ERC2: variants seen among roughly 807,000 people sequenced by gnomAD.
ERC2 encodes the protein ELKS/RAB6-interacting/CAST family member 2.
In ERC2, 42 loss-of-function variants were observed where a neutral mutation model predicts 114.8. That is an observed-to-expected ratio of 0.37 (90% CI 0.29 to 0.47). ERC2 has a LOEUF of 0.47. ERC2 is among the 20% of genes least tolerant of loss of function. The probability of loss-of-function intolerance (pLI) is 0.99; values close to 1 mark genes in which losing one functional copy is unlikely to be tolerated. For synonymous variants in ERC2, 454 were observed against 425.5 expected (o/e 1.07, Z -0.82); for missense variants, 939 against 1,150.7 (o/e 0.82, Z 2.66).
chr3:56,452,930 A>G (rs2062886105), intron 1 of ERC2, among the ~76,000 whole-genome samples: 1 of 152,226 alleles, frequency 6.6e-6, no homozygotes, highest in African/African-American at 2.4e-5. Context: ...CCACAGGCTC[A>G]TTGTGTTGTT....
chr3:56,041,746 G>A (rs996198731), intron 7 of ERC2, among the ~76,000 whole-genome samples: 38 of 152,160 alleles, frequency 2.5e-4, no homozygotes, highest in African/African-American at 8.9e-4. Context: ...TCACCATGAT[G>A]CCGTTCTTCA....
chr3:55,888,919 A>G (rs1303324526), intron 13 of ERC2, among the ~76,000 whole-genome samples: 2 of 152,216 alleles, frequency 1.3e-5, no homozygotes, highest in Non-Finnish European at 2.9e-5. Flanking sequence ...GAAAGAAAAA[A>G]TTAAAACAAA....
intron 16 of ERC2, among the ~76,000 whole-genome samples, chr3:55,687,865 T>A (rs192395254): frequency 6.2e-4 from 94 of 152,270 alleles, no homozygotes; most frequent in Non-Finnish European, 1.2e-3. Flanking sequence ...AACAGACACA[T>A]CTGTAAAGGA....
In ERC2 at chr3:56,330,383, A is replaced by C. The variant is rs556493696; in HGVS notation, c.658-33948T>G. On this transcript the variant is annotated intron_variant, in intron 2 of 17. Coordinates refer to ENST00000288221, the MANE Select transcript of ERC2 (RefSeq NM_015576.3). Reference sequence around the variant, plus strand: ...CTCATTTCATGCCAACGTGTGGGAAAAGCAGAGAAGACAGTGGCCTATTTT... The same window carrying C: ...CTCATTTCATGCCAACGTGTGGGAACAGCAGAGAAGACAGTGGCCTATTTT... 2.6e-5 allele frequency among the ~76,000 whole-genome samples: 4 copies of C among 152,294 alleles called. No homozygotes were observed. In the East Asian group the frequency reaches 7.7e-4, roughly 29 times the overall value.
chr3:56,419,225 C>T (rs1015112878), intron 2 of ERC2, among the ~76,000 whole-genome samples: 6 of 50,370 alleles, frequency 1.2e-4, no homozygotes, highest in South Asian at 1.8e-3. Context: ...CAAAATCATT[C>T]GTTCCTTGCT....
chr3:56,032,913 A>AGAGAGAGAGAGAGAC (rs1560056241), intron 7 of ERC2, among the ~76,000 whole-genome samples: 3 of 68,638 alleles, frequency 4.4e-5, no homozygotes, highest in East Asian at 3.7e-4. Context: ...GAAAGAAAGA[A>AGAGAGAGAGAGAGAC]AGAAAGAAAG....
At chr3:56,226,291 A>T (rs1423514186) in intron 3 of ERC2, among the ~76,000 whole-genome samples, 2 of 152,186 alleles carry the variant, frequency 1.3e-5, no homozygotes, top group African/African-American at 4.8e-5. Context: ...CTCTGCAAGG[A>T]ACCGAGTTTT....
At chr3:55,635,410 T>A (rs34151612) in intron 17 of ERC2, among the ~76,000 whole-genome samples, 1 of 151,684 alleles carries the variant, frequency 6.6e-6, no homozygotes, top group Non-Finnish European at 1.5e-5. Flanking sequence ...TTTTTTTTTG[T>A]CTCTTTGTCT....
chr3:55,739,387 G>A (rs1559577499), intron 14 of ERC2, among the ~76,000 whole-genome samples: 1 of 152,160 alleles, frequency 6.6e-6, no homozygotes, highest in African/African-American at 2.4e-5. Flanking sequence ...CAGTGCAAAA[G>A]CCTTCCTATT....
At chr3:55,975,762 C>T (rs1194020701) in intron 12 of ERC2, among the ~76,000 whole-genome samples, 2 of 152,164 alleles carry the variant, frequency 1.3e-5, no homozygotes, top group East Asian at 3.9e-4. Flanking sequence ...CCTTTCTGCC[C>T]TTCTTCTCCC....
intron 3 of ERC2, among the ~76,000 whole-genome samples, chr3:56,262,458 G>T (rs546115318): frequency 6.6e-6 from 1 of 152,218 alleles, no homozygotes; most frequent in Non-Finnish European, 1.5e-5. Context: ...ATGTATTAAA[G>T]AGGCAGCAGA....
chr3:55,998,629 G>C (rs2071788527), intron 10 of ERC2, among the ~76,000 whole-genome samples: 1 of 152,118 alleles, frequency 6.6e-6, no homozygotes, highest in African/African-American at 2.4e-5. Flanking sequence ...TCAGAAATAG[G>C]CTTCAAAAAT....
chr3:55,865,576 C>T (rs766761436), intron 14 of ERC2, among the ~76,000 whole-genome samples: 1 of 151,914 alleles, frequency 6.6e-6, no homozygotes. Flanking sequence ...AATTTTTTTT[C>T]ACCCCAAACA....
intron 17 of ERC2, among the ~76,000 whole-genome samples, chr3:55,671,251 C>T (rs976164844): frequency 2.6e-5 from 4 of 152,134 alleles, no homozygotes; most frequent in Non-Finnish European, 4.4e-5. Flanking sequence ...AAAAGAAACC[C>T]ACTCTCTTCT....
At chr3:56,181,614 T>C (rs1188084599) in intron 3 of ERC2, among the ~76,000 whole-genome samples, 1 of 152,188 alleles carries the variant, frequency 6.6e-6, no homozygotes, top group Admixed American at 6.5e-5. Context: ...CCACAAATTC[T>C]TCAACATTCT....
At chr3:56,443,262 T>A (rs1283817906) in intron 1 of ERC2, among the ~76,000 whole-genome samples, 1 of 152,206 alleles carries the variant, frequency 6.6e-6, no homozygotes, top group African/African-American at 2.4e-5. Flanking sequence ...TCCACTGAAC[T>A]TATCAAATCA....
chr3:56,254,407 G>A (rs554354612), intron 3 of ERC2, among the ~76,000 whole-genome samples: 11 of 151,994 alleles, frequency 7.2e-5, no homozygotes, highest in African/African-American at 2.7e-4. Flanking sequence ...TTTCTGACAG[G>A]ACCCGCAAGT....
chr3:56,380,036 C>T (rs1182782587), intron 2 of ERC2, among the ~76,000 whole-genome samples: 1 of 151,966 alleles, frequency 6.6e-6, no homozygotes, highest in Non-Finnish European at 1.5e-5. Flanking sequence ...CACCCCGGGC[C>T]CCCTCACTAA....
chr3:56,453,180 A>G lies in ERC2; in HGVS notation c.-141+15068T>C, dbSNP rs371789230. Among the ~76,000 whole-genome samples the G allele has an allele frequency of 5.0e-4, 76 of 152,336 alleles. 2 individuals are homozygous for G. The South Asian group carries it at 0.014, about 28-fold the overall frequency. On this transcript the variant is annotated intron_variant, in intron 1 of 17. Coordinates refer to ENST00000288221, the MANE Select transcript of ERC2 (RefSeq NM_015576.3). ...TGGGAAGATAATCTTTCCTGCTCCA[A>G]TGACATCTGGCTTGGCCGTATGACT... is the stretch of plus-strand genomic sequence containing the variant.
Sources: allele counts gnomAD v4.1 joint callset (sites outside exome capture counted in the v4.1 genomes callset), GRCh38; gene constraint gnomAD v4.1.1; transcripts MANE v1.5; gene names NCBI Gene and HGNC (gene_info 2026-07-23, HGNC 2026-07-21).